Variants in BIRC6 observed in about 807,000 individuals in gnomAD.
BIRC6 encodes dual E2 ubiquitin-conjugating enzyme/E3 ubiquitin-protein ligase BIRC6.
In BIRC6, 98 loss-of-function variants were observed where a neutral mutation model predicts 503.3. The ratio of observed to expected loss-of-function variants is 0.19; its 90% CI spans 0.17 to 0.23. The LOEUF (loss-of-function observed/expected upper bound fraction) is 0.23. Ranked by LOEUF, BIRC6 falls within the 10% of genes least tolerant of loss-of-function variation. The pLI, the probability that BIRC6 is intolerant of heterozygous loss-of-function variation, is 1.00. For synonymous variants in BIRC6, 2,240 were observed against 2,078.7 expected (o/e 1.08, Z -2.11); for missense variants, 5,360 against 5,806.0 (o/e 0.92, Z 2.50).
intron 1 of BIRC6, among the ~76,000 whole-genome samples, chr2:32,363,137 C>T (rs1174082357): frequency 6.6e-6 from 1 of 151,926 alleles, no homozygotes; most frequent in East Asian, 1.9e-4. Flanking sequence ...TGGAGACCAG[C>T]CTAGGCAACA....
intron 10 of BIRC6, among the ~76,000 whole-genome samples, chr2:32,419,539 A>C (rs1455913832): frequency 1.3e-5 from 2 of 152,182 alleles, no homozygotes; most frequent in Non-Finnish European, 2.9e-5. Context: ...ATACATTTAA[A>C]ATCAACAGGA....
chr2:32,371,832 G>A (rs1219677814), intron 1 of BIRC6, among the ~76,000 whole-genome samples: 1 of 152,036 alleles, frequency 6.6e-6, no homozygotes, highest in Non-Finnish European at 1.5e-5. Context: ...TTGAGACAGA[G>A]TCTCACTCCG....
chr2:32,525,112 C>G, intron 58 of BIRC6, 93 bp downstream of exon 58: 2 of 1,115,922 alleles, frequency 1.8e-6, no homozygotes, highest in Middle Eastern at 2.4e-4. Context: ...ATACATTGTA[C>G]TAATATAAAA....
chr2:32,576,524 G>C (rs958281348), intron 66 of BIRC6, among the ~76,000 whole-genome samples: 1 of 152,066 alleles, frequency 6.6e-6, no homozygotes, highest in African/African-American at 2.4e-5. Flanking sequence ...TCCTTTTTCA[G>C]TTACCTTTTG....
chr2:32,492,601 A>G (rs1314922550), intron 44 of BIRC6, among the ~76,000 whole-genome samples: 1 of 152,078 alleles, frequency 6.6e-6, no homozygotes, highest in Non-Finnish European at 1.5e-5. Context: ...GCCCCAAATT[A>G]CATAACTAGT....
chr2:32,487,833 C>T (rs770180333), intron 41 of BIRC6, 32 bp downstream of exon 41: 6 of 1,553,704 alleles, frequency 3.9e-6, no homozygotes, highest in Non-Finnish European at 5.3e-6. Context: ...TGTATTTTTA[C>T]ATATTATTGT....
At chr2:32,613,328 G>A (rs1176381747) in intron 73 of BIRC6, among the ~76,000 whole-genome samples, 2 of 150,586 alleles carry the variant, frequency 1.3e-5, no homozygotes, top group African/African-American at 4.9e-5. Context: ...GGGATTACAG[G>A]CATCTGCCAC....
intron 1 of BIRC6, among the ~76,000 whole-genome samples, chr2:32,360,541 A>C (rs1313911060): frequency 1.3e-5 from 2 of 152,082 alleles, no homozygotes; most frequent in East Asian, 3.8e-4. Context: ...TCTTTTTCCT[A>C]ACTACAGTAG....
intron 56 of BIRC6, 118 bp from the exon 57 acceptor site, chr2:32,518,695 AAATT>A: frequency 8.3e-7 from 1 of 1,201,902 alleles, no homozygotes; most frequent in Non-Finnish European, 1.1e-6. Flanking sequence ...TGCCATATCT[AAATT>A]AATTATATCT....
At chr2:32,361,481 C>T (rs1317723853) in intron 1 of BIRC6, among the ~76,000 whole-genome samples, 2 of 152,102 alleles carry the variant, frequency 1.3e-5, no homozygotes, top group African/African-American at 2.4e-5. Context: ...TATTCTGCAC[C>T]AGAGTGGTAT....
At chr2:32,389,736 G>A (rs762585985) in intron 4 of BIRC6, among the ~76,000 whole-genome samples, 1 of 152,078 alleles carries the variant, frequency 6.6e-6, no homozygotes, top group Non-Finnish European at 1.5e-5. Context: ...CACTCTTGTC[G>A]CCTAGGCTGG....
At chr2:32,468,180 C>T in intron 28 of BIRC6, 69 bp downstream of exon 28, 7 of 1,474,276 alleles carry the variant, frequency 4.7e-6, no homozygotes, top group Non-Finnish European at 6.5e-6. Context: ...GCTTATAATT[C>T]TGTCAAGAAA....
intron 9 of BIRC6, among the ~76,000 whole-genome samples, chr2:32,406,946 C>G (rs1341506372): frequency 3.3e-5 from 5 of 152,112 alleles, no homozygotes; most frequent in African/African-American, 1.2e-4. Flanking sequence ...ATTAAAACAT[C>G]AAGTAAATGC....
intron 23 of BIRC6, among the ~76,000 whole-genome samples, chr2:32,460,998 C>CTCTGCTCTCTTCTCT (rs1553443637): frequency 1.1e-5 from 1 of 88,736 alleles, no homozygotes; most frequent in African/African-American, 4.3e-5. Context: ...CTCTGCTCTG[C>CTCTGCTCTCTTCTCT]TCTCTTCTCT....
At chr2:32,489,485 A>G (rs2051424455) in intron 42 of BIRC6, among the ~76,000 whole-genome samples, 1 of 151,688 alleles carries the variant, frequency 6.6e-6, no homozygotes, top group Admixed American at 6.6e-5. Flanking sequence ...TATGAGAAAT[A>G]TTAAATATAT....
chr2:32,459,451 T>C (rs918969612), intron 23 of BIRC6, among the ~76,000 whole-genome samples: 2 of 152,248 alleles, frequency 1.3e-5, no homozygotes, highest in African/African-American at 4.8e-5. Context: ...TTCAGTTCTC[T>C]TGGGTATGTA....
intron 61 of BIRC6, among the ~76,000 whole-genome samples, chr2:32,540,744 A>C (rs765775154): frequency 9.1e-4 from 139 of 152,008 alleles, no homozygotes; most frequent in Admixed American, 1.8e-3. Context: ...GTTGATGCCT[A>C]AGCCTGTGGT....
At chr2:32,569,630 C>T (rs994562116) in intron 65 of BIRC6, among the ~76,000 whole-genome samples, 12 of 151,942 alleles carry the variant, frequency 7.9e-5, no homozygotes, top group African/African-American at 2.7e-4. Context: ...CCTGGACCTC[C>T]CAAAGTGCTG....
intron 66 of BIRC6, among the ~76,000 whole-genome samples, chr2:32,583,742 T>C (rs950779221): frequency 1.3e-5 from 2 of 152,138 alleles, no homozygotes; most frequent in Admixed American, 6.6e-5. Context: ...TAATTTTTTT[T>C]CCCCCTGAGA....
Sources: allele counts gnomAD v4.1 joint callset (sites outside exome capture counted in the v4.1 genomes callset), GRCh38; gene constraint gnomAD v4.1.1; transcripts MANE v1.5; gene names NCBI Gene and HGNC (gene_info 2026-07-23, HGNC 2026-07-21).